Variants in BAG2 observed in about 807,000 individuals in gnomAD.
The protein encoded by BAG2 is BAG family molecular chaperone regulator 2.
In BAG2, 8 loss-of-function variants were observed where a neutral mutation model predicts 16.4. That is an observed-to-expected ratio of 0.49 (90% CI 0.29 to 0.88). The LOEUF (loss-of-function observed/expected upper bound fraction) is 0.88, where lower values mean the gene tolerates loss of function less well. Ranked by LOEUF, BAG2 falls within the 40% of genes least tolerant of loss-of-function variation. The pLI, the probability that BAG2 is intolerant of heterozygous loss-of-function variation, is 0.09. For missense variants in BAG2, 218 were observed against 248.9 expected (o/e 0.88, Z 0.84); for synonymous variants, 82 against 89.2 (o/e 0.92, Z 0.46).
chr6:57,182,279 C>A, intron 2 of BAG2, 138 bp downstream of exon 2: 1 of 590,052 alleles, frequency 1.7e-6, no homozygotes, highest in Non-Finnish European at 2.9e-6. Context: ...CAGAGAGCAG[C>A]TGCAGCTGTC....
intron 1 of BAG2, among the ~76,000 whole-genome samples, chr6:57,180,610 T>A (rs907920772): frequency 5.5e-4 from 84 of 152,184 alleles, no homozygotes; most frequent in African/African-American, 2.0e-3. Flanking sequence ...AACAAAACAT[T>A]CTTACCTAAC....
chr6:57,180,723 G>T (rs1383312446), intron 1 of BAG2, among the ~76,000 whole-genome samples: 7 of 151,972 alleles, frequency 4.6e-5, no homozygotes, highest in Admixed American at 4.6e-4. Context: ...ACCAAAGGGT[G>T]GGGGAAGACC....
chr6:57,174,258 T>G, intron 1 of BAG2: 1 of 1,265,396 alleles, frequency 7.9e-7, no homozygotes, highest in East Asian at 5.6e-5. Context: ...GTTGAGGGCA[T>G]GTTCTCAACC....
In BAG2 at chr6:57,172,666, G is replaced by T; in HGVS notation, c.-32G>T. On this transcript the variant is annotated 5_prime_UTR_variant, in exon 1 of 3. Coordinates refer to ENST00000370693, the MANE Select transcript of BAG2 (RefSeq NM_004282.4). The stretch of plus-strand genomic sequence containing the variant: ...ACTCGCTGCCGCCGGAGGGGCCGGT[G>T]ACCTCTTGGCTACCCCGCGTCGGAG... 1 of 1,469,006 alleles carries T rather than the reference G, an allele frequency of 6.8e-7. No individual in the cohort carries two copies. Among genetic ancestry groups the T allele is most frequent in the South Asian group, 1.3e-5 (1 of 76,686 alleles). 91.0% of individuals were successfully genotyped at this position (1,469,006 alleles called of 1,614,324 possible). A position where few individuals can be genotyped will look rare whatever the true frequency, so the allele number is the denominator to read the frequency against.
intron 1 of BAG2, 40 bp downstream of exon 1, chr6:57,172,850 G>GCGCGGGCGGTT (rs775771837): frequency 1.6e-5 from 23 of 1,412,098 alleles, no homozygotes; most frequent in South Asian, 1.0e-4. Context: ...TCTGCTCGCC[G>GCGCGGGCGGTT]CGCGGGCGGT....
rs1219517155 is a variant in BAG2, at chr6:57,188,629, G to A, written c.*4439G>A. Reference sequence around the variant, plus strand: ...GAGTAGAAAAGATGACTCATTAGCAGTATCCACTGTTTGTTAGGAACTGAA... The same window carrying A: ...GAGTAGAAAAGATGACTCATTAGCAATATCCACTGTTTGTTAGGAACTGAA... On this transcript the variant is annotated 3_prime_UTR_variant, in exon 3 of 3. Transcript: ENST00000370693. The A allele has an allele frequency of 6.6e-6, 1 of 151,966 alleles. No individual in the cohort carries two copies. The highest frequency in any genetic ancestry group is 1.5e-5 in the Non-Finnish European group (1 of 67,996). 9.4% of individuals were successfully genotyped at this position (151,966 alleles called of 1,614,324 possible).
At chr6:57,175,654 A>G (rs1269149703) in intron 1 of BAG2, among the ~76,000 whole-genome samples, 1 of 152,214 alleles carries the variant, frequency 6.6e-6, no homozygotes, top group Non-Finnish European at 1.5e-5. Context: ...TCATGCTTAT[A>G]TAAAAGAAGC....
chr6:57,175,427 T>C (rs1764252291), intron 1 of BAG2, among the ~76,000 whole-genome samples: 1 of 152,154 alleles, frequency 6.6e-6, no homozygotes, highest in Non-Finnish European at 1.5e-5. Context: ...AGAATCTCTC[T>C]CTCTGACCTT....
Position 57,184,274 on chromosome 6 carries a change from AGG to A in BAG2, c.*85_*86del. On this transcript the variant is annotated 3_prime_UTR_variant, in exon 3 of 3. Transcript: ENST00000370693. ...TTTAATTGATAACTAGTTCTTTGTT[AGG>A]TATAACCACTTAGTTGACACTGATA... The A allele has an allele frequency of 7.9e-7, 1 of 1,268,410 alleles. No homozygotes were observed. 78.6% of individuals were successfully genotyped at this position (1,268,410 alleles called of 1,614,324 possible). A position where few individuals can be genotyped will look rare whatever the true frequency, so the allele number is the denominator to read the frequency against.
chr6:57,184,267 C>A lies in BAG2; in HGVS notation c.*77C>A, dbSNP rs1764558143. On this transcript the variant is annotated 3_prime_UTR_variant, in exon 3 of 3. Transcript: ENST00000370693. The stretch of plus-strand genomic sequence containing the variant: ...ATACTATTTTAATTGATAACTAGTT[C>A]TTTGTTAGGTATAACCACTTAGTTG... 4 of 1,311,130 alleles carry A rather than the reference C, an allele frequency of 3.1e-6. No individual in the cohort carries two copies. The highest frequency in any genetic ancestry group is 4.0e-6 in the Non-Finnish European group (4 of 1,012,134). The allele number at this position is 1,311,130 out of a possible 1,614,324, so 81.2% of individuals were successfully genotyped here.
rs529060693 is a variant in BAG2 at position 57,185,410 on chromosome 6, A to C, written c.*1220A>C. On this transcript the variant is annotated 3_prime_UTR_variant, in exon 3 of 3. Coordinates refer to ENST00000370693, the MANE Select transcript of BAG2 (RefSeq NM_004282.4). ...ATACTATTTTGAAATGAACACATCA[A>C]TTTTTATTTGAATGTAGGTATTCTT... The C allele has an allele frequency of 6.6e-6, 1 of 152,202 alleles. No individual in the cohort carries two copies. The highest frequency in any genetic ancestry group is 2.4e-5 in the African/African-American group (1 of 41,440). 9.4% of individuals were successfully genotyped at this position (152,202 alleles called of 1,614,324 possible). A position where few individuals can be genotyped will look rare whatever the true frequency, so the allele number is the denominator to read the frequency against.
chr6:57,173,571 A>C (rs9370567), intron 1 of BAG2: 67,068 of 853,372 alleles, frequency 0.079, 2,792 homozygotes, highest in East Asian at 0.094. Context: ...TTGGTAATAC[A>C]GTAGTAGACT....
chr6:57,176,951 C>T (rs1764301499), intron 1 of BAG2, among the ~76,000 whole-genome samples: 1 of 148,538 alleles, frequency 6.7e-6, no homozygotes, highest in Non-Finnish European at 1.5e-5. Flanking sequence ...TGGCTCTTCA[C>T]ACTAAAAACA....
Position 57,172,480 on chromosome 6 carries a change from A to AGGCCCGGCGTCCCCG in BAG2, c.-217_-203dup, listed in dbSNP as rs1764148589. ...ACTCCAGCCGCTGCAGCCCCCTCCC[A>AGGCCCGGCGTCCCCG]GGCCCGGCGTCCCCGAGCCCCGCGG... On this transcript the variant is annotated 5_prime_UTR_variant, in exon 1 of 3. Transcript: ENST00000370693. 5.1e-6 allele frequency: 2 copies of AGGCCCGGCGTCCCCG among 389,364 alleles called. No individual in the cohort carries two copies. Among genetic ancestry groups the AGGCCCGGCGTCCCCG allele is most frequent in the South Asian group, 5.5e-5 (1 of 18,062 alleles). The allele number at this position is 389,364 out of a possible 1,614,324, so 24.1% of individuals were successfully genotyped here. A position where few individuals can be genotyped will look rare whatever the true frequency, so the allele number is the denominator to read the frequency against.
At chr6:57,182,276 C>T in intron 2 of BAG2, 135 bp downstream of exon 2, 1 of 591,298 alleles carries the variant, frequency 1.7e-6, no homozygotes, top group South Asian at 2.7e-5. Context: ...CCACAGAGAG[C>T]AGCTGCAGCT....
In BAG2 at chr6:57,188,498, CAT is replaced by C. The variant is rs1042798859; in HGVS notation, c.*4312_*4313del. 3.3e-5 allele frequency: 5 copies of C among 152,016 alleles called. No individual in the cohort carries two copies. Among genetic ancestry groups the C allele is most frequent in the Non-Finnish European group, 5.9e-5 (4 of 67,994 alleles). The allele number at this position is 152,016 out of a possible 1,614,324, so 9.4% of individuals were successfully genotyped here. A position where few individuals can be genotyped will look rare whatever the true frequency, so the allele number is the denominator to read the frequency against. On this transcript the variant is annotated 3_prime_UTR_variant, in exon 3 of 3. Coordinates refer to ENST00000370693, the MANE Select transcript of BAG2 (RefSeq NM_004282.4). Reference sequence around the variant, plus strand: ...ACATGAAAAAGAACTAACTAGAACACATATAACAAGTGATTTTTCTGCCAATA... The same window carrying C: ...ACATGAAAAAGAACTAACTAGAACACATAACAAGTGATTTTTCTGCCAATA...
Position 57,184,038 on chromosome 6 carries a change from T to C in BAG2, c.484T>C (p.Cys162Arg), listed in dbSNP as rs780488097. ...DQKFQSIVIG[C>R]ALEDQKKIKR... ...GAAGTTTCAATCCATAGTAATTGGC[T>C]GTGCTCTTGAAGATCAGAAGAAAAT... is the stretch of plus-strand genomic sequence containing the variant. The change falls in exon 3 of 3, where the codon TGT (cysteine) becomes CGT (arginine). Residue 162 changes from cysteine to arginine, a missense_variant. By Grantham distance (180) the Cys-to-Arg change is radical. This residue lies in a region of BAG2 where 113 missense variants were observed against 128.0 expected (regional missense o/e 0.88). Coordinates refer to ENST00000370693, the MANE Select transcript of BAG2 (RefSeq NM_004282.4). 1.2e-6 allele frequency: 2 copies of C among 1,612,966 alleles called. No homozygotes were observed. Among genetic ancestry groups the C allele is most frequent in the Non-Finnish European group, 1.7e-6 (2 of 1,179,776 alleles).
intron 2 of BAG2, among the ~76,000 whole-genome samples, chr6:57,182,398 C>T (rs567906439): frequency 6.6e-6 from 1 of 151,820 alleles, no homozygotes; most frequent in Admixed American, 6.6e-5. Flanking sequence ...AAAAGCTGGC[C>T]CCAAGCAGTA....
intron 1 of BAG2, among the ~76,000 whole-genome samples, chr6:57,175,351 A>G (rs939224042): frequency 1.3e-5 from 2 of 152,158 alleles, no homozygotes; most frequent in Non-Finnish European, 2.9e-5. Flanking sequence ...TTCCTGGCTC[A>G]TAACTCCCAT....
Sources: gnomAD v4.1 joint callset for allele counts (sites outside exome capture counted in the v4.1 genomes callset) on GRCh38, gnomAD v4.1.1 for gene constraint, gnomAD v4.1.1 regional missense constraint, MANE v1.5 for transcripts, NCBI Gene and HGNC (gene_info 2026-07-23, HGNC 2026-07-21) for gene names.